The following AGAP3 variants were observed in gnomAD, a reference collection of about 807,000 sequenced individuals.
The protein encoded by AGAP3 is arf-GAP with GTPase, ANK repeat and PH domain-containing protein 3.
AGAP3 carries 24 observed loss-of-function variants against 96.9 expected under a neutral mutation model. The observed-to-expected ratio is 0.25, with a 90% CI of 0.18 to 0.35. The LOEUF (loss-of-function observed/expected upper bound fraction) is 0.35, where lower values mean the gene tolerates loss of function less well. Among genes scored for constraint, AGAP3 ranks in the 10% least tolerant of loss-of-function variants. The probability of loss-of-function intolerance (pLI) is 1.00; values close to 1 mark genes in which losing one functional copy is unlikely to be tolerated. For missense variants in AGAP3, 876 were observed against 1,254.2 expected (o/e 0.70, Z 4.55); for synonymous variants, 563 against 536.1 (o/e 1.05, Z -0.69).
chr7:151,129,083 G>A (rs1041880071), intron 10 of AGAP3, among the ~76,000 whole-genome samples: 1 of 152,148 alleles, frequency 6.6e-6, no homozygotes, highest in Non-Finnish European at 1.5e-5. Flanking sequence ...GCCTCGGACA[G>A]TCCTCCTGGG....
intron 1 of AGAP3, chr7:151,115,093 C>A: frequency 9.7e-7 from 1 of 1,028,956 alleles, no homozygotes. Context: ...AGCCCCGCGC[C>A]GACCCGGCGC....
rs549198860 is a variant in AGAP3, at chr7:151,118,432, T to G, written c.842-73T>G. The stretch of plus-strand genomic sequence containing the variant: ...CTCCCAGTGAGAGCAAGGCTGTGTG[T>G]CTGGGGGGAGGTGCTAAGCCAGGCT... On this transcript the variant is annotated intron_variant, in intron 6 of 17. Coordinates refer to ENST00000397238, the MANE Select transcript of AGAP3 (RefSeq NM_031946.7). This position sits in a 1 kb window ranked among gnomAD's most constrained non-coding sequence, Gnocchi z 6.1. 8.7e-6 allele frequency: 14 copies of G among 1,600,384 alleles called. No individual in the cohort carries two copies. The African/African-American group carries it at 1.9e-4, about 21-fold the overall frequency.
At chr7:151,125,998 G>A (rs1800145407) in intron 9 of AGAP3, among the ~76,000 whole-genome samples, 1 of 151,818 alleles carries the variant, frequency 6.6e-6, no homozygotes. Flanking sequence ...GAGAGGGAGT[G>A]GGAAGAGGCA....
At chr7:151,088,915 G>A (rs931021520) in intron 1 of AGAP3, among the ~76,000 whole-genome samples, 2 of 152,150 alleles carry the variant, frequency 1.3e-5, no homozygotes, top group Non-Finnish European at 2.9e-5. Context: ...CCATGGTTCC[G>A]TCTACTAGGC....
rs776716219 is a variant in AGAP3, at chr7:151,138,289, C to T, written c.1642C>T (p.Leu548=). 3.1e-6 allele frequency: 5 copies of T among 1,612,400 alleles called. No homozygotes were observed. Among genetic ancestry groups the T allele is most frequent in the Non-Finnish European group, 4.2e-6 (5 of 1,179,586 alleles). Residue 548 remains leucine (L), a synonymous_variant, in exon 12 of 18, where the codon CTG becomes TTG. Coordinates refer to ENST00000397238, the MANE Select transcript of AGAP3 (RefSeq NM_031946.7). ...ADQWSEATTS[L]PPGMQHPASG... ...CCAGTGGAGTGAGGCCACCACTTCCCTGCCCCCAGGCATGCAGCACCCTGG... is the reference window on the plus strand; with the variant it reads ...CCAGTGGAGTGAGGCCACCACTTCCTTGCCCCCAGGCATGCAGCACCCTGG...
intron 2 of AGAP3, 39 bp downstream of exon 2, chr7:151,116,890 T>TG (rs76473497): frequency 0.25 from 407,144 of 1,609,698 alleles, 52,656 homozygotes; most frequent in Non-Finnish European, 0.27. Flanking sequence ...GGCCTGGAGC[T>TG]GGGGGGGCGA....
In AGAP3 at chr7:151,142,573, G is replaced by T. The variant is rs769667197; in HGVS notation, c.2212G>T (p.Ala738Ser). 6.2e-7 allele frequency: 1 copy of T among 1,613,596 alleles called. No homozygotes were observed. The highest frequency in any genetic ancestry group is 1.3e-5 in the African/African-American group (1 of 75,074). ...CATGACTGCCATGGGCAATGCCCTC[G>T]CCAACAGCGTCTGGGAGGGGGCCTT... ...AVMTAMGNALANSVWEGALGG... is the reference protein window; with the variant it reads ...AVMTAMGNALSNSVWEGALGG... Residue 738 changes from alanine (A) to serine (S), a missense_variant, in exon 16 of 18, where the codon GCC (alanine) becomes TCC (serine). Physicochemically the swap from Ala to Ser is moderately conservative, Grantham distance 99. Around this residue, in one of 8 missense-constraint regions of AGAP3, gnomAD observed 213 missense variants for 253.8 expected, o/e 0.84. Transcript: ENST00000397238. This position sits in a 1 kb window ranked among gnomAD's most constrained non-coding sequence, Gnocchi z 7.5.
Position 151,114,623 on chromosome 7 carries a change from G to T in AGAP3, c.332-2170G>T. On this transcript the variant is annotated intron_variant, in intron 1 of 17. Transcript: ENST00000397238. The surrounding 1 kb of genome is among the most constrained non-coding windows in gnomAD (Gnocchi z 4.4). ...CGGCCTCTCCAGGTCTGGGCTTGCCGGCCGCGAGGTGGAGGAGTTGAGGGA... is the reference window on the plus strand; with the variant it reads ...CGGCCTCTCCAGGTCTGGGCTTGCCTGCCGCGAGGTGGAGGAGTTGAGGGA... The T allele has an allele frequency of 1.3e-6, 1 of 779,288 alleles. No individual in the cohort carries two copies. The highest frequency in any genetic ancestry group is 1.6e-6 in the Non-Finnish European group (1 of 639,892). The allele number at this position is 779,288 out of a possible 1,614,324, so 48.3% of individuals were successfully genotyped here.
chr7:151,132,018 G>A (rs1027094301), intron 10 of AGAP3, among the ~76,000 whole-genome samples: 3 of 152,340 alleles, frequency 2.0e-5, no homozygotes, highest in East Asian at 1.9e-4. Context: ...GACCAGGGAC[G>A]GGCAGCTGAG....
intron 10 of AGAP3, among the ~76,000 whole-genome samples, chr7:151,132,999 G>T (rs762584918): frequency 2.6e-5 from 4 of 152,194 alleles, no homozygotes; most frequent in Non-Finnish European, 4.4e-5. Flanking sequence ...TGGCCAGTGC[G>T]GTAAAGGTGA....
Position 151,140,031 on chromosome 7 carries a change from A to C in AGAP3, c.1719A>C (p.Pro573=). 1 of 1,602,610 alleles carries C rather than the reference A, an allele frequency of 6.2e-7. No homozygotes were observed. Among genetic ancestry groups the C allele is most frequent in the South Asian group, 1.1e-5 (1 of 88,922 alleles). Residue 573 remains proline, a synonymous_variant, in exon 13 of 18, where the codon CCA becomes CCC. Coordinates refer to ENST00000397238, the MANE Select transcript of AGAP3 (RefSeq NM_031946.7). The surrounding 1 kb of genome is among the most constrained non-coding windows in gnomAD (Gnocchi z 5.4). ...CCAGCCCCAAGCTGGATCCTCCCCC[A>C]TCTCCCCACTCCAACCGGAAGAAGC... ...LSSSPKLDPP[P]SPHSNRKKHR...
At chr7:151,120,791 C>G in intron 8 of AGAP3, 2 of 1,181,608 alleles carry the variant, frequency 1.7e-6, no homozygotes, top group South Asian at 1.6e-5. Flanking sequence ...CCTCACAAAC[C>G]TCACACCCCA....
rs1235654359 is a variant in AGAP3, at chr7:151,117,194, A to C, written c.478+12A>C. On this transcript the variant is annotated intron_variant, in intron 3 of 17. Coordinates refer to ENST00000397238, the MANE Select transcript of AGAP3 (RefSeq NM_031946.7). Reference sequence around the variant, plus strand: ...GGAGTCCCCTGAAGGTGAGCGTCACAGGCCCAGCCTGGGCCCTGAGGCCGG... The same window carrying C: ...GGAGTCCCCTGAAGGTGAGCGTCACCGGCCCAGCCTGGGCCCTGAGGCCGG... 1 of 1,610,702 alleles carries C rather than the reference A, an allele frequency of 6.2e-7. No homozygotes were observed. Among genetic ancestry groups the C allele is most frequent in the Non-Finnish European group, 8.5e-7 (1 of 1,177,652 alleles).
At chr7:151,093,855 T>C (rs1798493872) in intron 1 of AGAP3, among the ~76,000 whole-genome samples, 1 of 152,092 alleles carries the variant, frequency 6.6e-6, no homozygotes, top group African/African-American at 2.4e-5. Context: ...CTTCTGAGAG[T>C]CACATTCTGG....
rs774061467 is a variant in AGAP3 at position 151,138,215 on chromosome 7, C to G, written c.1568C>G (p.Pro523Arg). ...RPLSSSAWAG[P>R]RPEGLHQRSC... ...CTCAGCAGCTCGGCCTGGGCTGGCC[C>G]GCGCCCTGAGGGGCTGCACCAGCGC... The change falls in exon 12 of 18, where the codon CCG becomes CGG. Residue 523 changes from proline (P) to arginine (R), a missense_variant. This residue lies in a region of AGAP3 where 155 missense variants were observed against 144.4 expected (regional missense o/e 1.07). Coordinates refer to ENST00000397238, the MANE Select transcript of AGAP3 (RefSeq NM_031946.7). 6.2e-7 allele frequency: 1 copy of G among 1,611,904 alleles called. No homozygotes were observed. Among genetic ancestry groups the G allele is most frequent in the Non-Finnish European group, 8.5e-7 (1 of 1,179,508 alleles).
In AGAP3 at chr7:151,114,957, G is replaced by C; in HGVS notation, c.332-1836G>C. ...GGCGCGGCCGCGGAGCGTGTGCTCGGGCGGCCCGGAGCCGCCGCCCACCGG... is the reference window on the plus strand; with the variant it reads ...GGCGCGGCCGCGGAGCGTGTGCTCGCGCGGCCCGGAGCCGCCGCCCACCGG... On this transcript the variant is annotated intron_variant, in intron 1 of 17. Transcript: ENST00000397238. This position sits in a 1 kb window ranked among gnomAD's most constrained non-coding sequence, Gnocchi z 4.4. 1.0e-6 allele frequency: 1 copy of C among 983,214 alleles called. No homozygotes were observed. The highest frequency in any genetic ancestry group is 1.2e-6 in the Non-Finnish European group (1 of 830,356). The allele number at this position is 983,214 out of a possible 1,614,324, so 60.9% of individuals were successfully genotyped here. A position where few individuals can be genotyped will look rare whatever the true frequency, so the allele number is the denominator to read the frequency against.
intron 11 of AGAP3, chr7:151,137,892 C>T (rs866779184): frequency 1.7e-5 from 9 of 526,592 alleles, no homozygotes; most frequent in East Asian, 3.3e-5. Flanking sequence ...AGAGACCCCC[C>T]GCCCCGCTCC....
Position 151,140,171 on chromosome 7 carries a change from G to A in AGAP3, c.1804+55G>A, listed in dbSNP as rs1235432136. 3 of 1,450,808 alleles carry A rather than the reference G, an allele frequency of 2.1e-6. No individual in the cohort carries two copies. The highest frequency in any genetic ancestry group is 2.7e-6 in the Non-Finnish European group (3 of 1,099,150). 89.9% of individuals were successfully genotyped at this position (1,450,808 alleles called of 1,614,324 possible). ...CAGGAGGTGGGCAGTGGGACTTGGG[G>A]ATAGTACCCTAAAAGTAACACCTAT... On this transcript the variant is annotated intron_variant, in intron 13 of 17. Transcript: ENST00000397238. The surrounding 1 kb of genome is among the most constrained non-coding windows in gnomAD (Gnocchi z 5.4).
At chr7:151,113,292 T>C (rs1799379624) in intron 1 of AGAP3, among the ~76,000 whole-genome samples, 1 of 152,206 alleles carries the variant, frequency 6.6e-6, no homozygotes, top group Admixed American at 6.5e-5. Context: ...GGGGGGAACA[T>C]GCATCCCATA....
Sources: gnomAD v4.1 joint callset for allele counts (sites outside exome capture counted in the v4.1 genomes callset) on GRCh38, gnomAD v4.1.1 for gene constraint, gnomAD v4.1.1 regional missense constraint, Gnocchi (gnomAD v3.1) non-coding constraint, MANE v1.5 for transcripts, NCBI Gene and HGNC (gene_info 2026-07-23, HGNC 2026-07-21) for gene names.